Variants in CAPN14 observed in about 807,000 individuals in gnomAD.
CAPN14 encodes calpain 14, also known as calpain-14.
CAPN14 carries 94 observed loss-of-function variants against 101.3 expected under a neutral mutation model. That is an observed-to-expected ratio of 0.93 (90% confidence interval 0.79 to 1.10). CAPN14 has a LOEUF of 1.10. Among genes scored for constraint, CAPN14 ranks in the 50% least tolerant of loss-of-function variants. The pLI is 0.00. For synonymous variants in CAPN14, 338 were observed against 317.9 expected (o/e 1.06, Z -0.67); for missense variants, 837 against 828.4 (o/e 1.01, Z -0.13).
intron 18 of CAPN14, among the ~76,000 whole-genome samples, 194 bp downstream of exon 18, chr2:31,178,317 T>A (rs1680413100): frequency 6.6e-6 from 1 of 152,202 alleles, no homozygotes; most frequent in Admixed American, 6.5e-5. Context: ...TTTTGGAACT[T>A]CAGGAGACTA....
chr2:31,178,478 T>C, intron 18 of CAPN14, 33 bp downstream of exon 18: 5 of 1,519,642 alleles, frequency 3.3e-6, no homozygotes, highest in Non-Finnish European at 4.5e-6. Context: ...CTACACCATC[T>C]TCCAAAGAGG....
At chr2:31,200,021 A>G (rs1050141689) in intron 6 of CAPN14, among the ~76,000 whole-genome samples, 2 of 152,004 alleles carry the variant, frequency 1.3e-5, no homozygotes, top group African/African-American at 4.8e-5. Context: ...TTTGCTTTTT[A>G]AAACGGAATC....
chr2:31,203,051 C>T lies in CAPN14; in HGVS notation c.295+19G>A, dbSNP rs749829884. On this transcript the variant is annotated intron_variant, in intron 3 of 21. Transcript: ENST00000403897. Reference sequence around the variant, plus strand: ...AGCAGGCAGCCTAGTGTCTGTCTCTCGGGGCTGTGCAAACTTACCTACTAT... The same window carrying T: ...AGCAGGCAGCCTAGTGTCTGTCTCTTGGGGCTGTGCAAACTTACCTACTAT... The T allele has an allele frequency of 1.9e-5, 30 of 1,549,508 alleles. No individual in the cohort carries two copies. Among genetic ancestry groups the T allele is most frequent in the South Asian group, 1.1e-4 (9 of 83,978 alleles).
chr2:31,181,067 G>A, intron 16 of CAPN14, 67 bp from the exon 17 acceptor site: 2 of 1,359,888 alleles, frequency 1.5e-6, no homozygotes, highest in Non-Finnish European at 2.1e-6. Context: ...TTCTGAGCAG[G>A]AAGAGGCAGT....
intron 1 of CAPN14, among the ~76,000 whole-genome samples, chr2:31,209,464 C>T (rs978830701): frequency 1.3e-5 from 2 of 152,108 alleles, no homozygotes; most frequent in African/African-American, 2.4e-5. Flanking sequence ...GGCCTTTGAA[C>T]GCTAACTAGC....
At chr2:31,220,161 C>T (rs1682820148), upstream of CAPN14, among the ~76,000 whole-genome samples, 1 of 152,074 alleles carries the variant, frequency 6.6e-6, no homozygotes, top group African/African-American at 2.4e-5. Flanking sequence ...AAATGAATCC[C>T]TGATTGTTGG....
chr2:31,181,386 T>TCTCTTTC (rs1680589510), intron 16 of CAPN14, among the ~76,000 whole-genome samples: 1 of 131,202 alleles, frequency 7.6e-6, no homozygotes, highest in Non-Finnish European at 1.6e-5. Flanking sequence ...TCTTTTCTTT[T>TCTCTTTC]TTTCTTTCTT....
intron 13 of CAPN14, among the ~76,000 whole-genome samples, chr2:31,188,560 C>T (rs1681024746): frequency 6.6e-6 from 1 of 152,138 alleles, no homozygotes; most frequent in Admixed American, 6.5e-5. Flanking sequence ...ATTCCCTGCA[C>T]CCTCATCTAA....
At chr2:31,203,360 T>G (rs938950219) in intron 2 of CAPN14, among the ~76,000 whole-genome samples, 1 of 151,042 alleles carries the variant, frequency 6.6e-6, no homozygotes, top group East Asian at 1.9e-4. Context: ...CCTGGAGAAC[T>G]CTGTGTAGAT....
At chr2:31,195,262 A>G (rs1455114388) in intron 8 of CAPN14, among the ~76,000 whole-genome samples, 1 of 152,236 alleles carries the variant, frequency 6.6e-6, no homozygotes, top group East Asian at 1.9e-4. Flanking sequence ...AAACTCCCTA[A>G]GACTGGACCG....
chr2:31,190,311 C>A (rs1219356406), intron 12 of CAPN14, among the ~76,000 whole-genome samples: 2 of 152,136 alleles, frequency 1.3e-5, no homozygotes, highest in Admixed American at 6.5e-5. Context: ...AAGACATCAC[C>A]CATCCAAATA....
In CAPN14 at chr2:31,192,109, ACACAG is replaced by A. The variant is rs763670774; in HGVS notation, c.1115-16_1115-12del. ...TCTTCCAAAATGTGTCTGGAGCAGAACACAGCAAGGTGAGAATGGGCCCCGGATCC... is the reference window on the plus strand; with the variant it reads ...TCTTCCAAAATGTGTCTGGAGCAGAACAAGGTGAGAATGGGCCCCGGATCC... On this transcript the variant is annotated splice_polypyrimidine_tract_variant and intron_variant, in intron 10 of 21. Coordinates refer to ENST00000403897, the MANE Select transcript of CAPN14 (RefSeq NM_001145122.2). 6.5e-7 allele frequency: 1 copy of A among 1,538,034 alleles called. No homozygotes were observed. Among genetic ancestry groups the A allele is most frequent in the South Asian group, 1.2e-5 (1 of 82,546 alleles).
chr2:31,183,826 C>T (rs997545600), intron 16 of CAPN14, among the ~76,000 whole-genome samples: 2 of 151,122 alleles, frequency 1.3e-5, no homozygotes, highest in African/African-American at 4.9e-5. Flanking sequence ...CTCTCTCCCT[C>T]CCTCTCTCCT....
chr2:31,221,896 AG>A (rs1472814934), upstream of CAPN14, among the ~76,000 whole-genome samples: 1 of 152,214 alleles, frequency 6.6e-6, no homozygotes, highest in Non-Finnish European at 1.5e-5. Context: ...TGAGGGCTCT[AG>A]CACAGTTGCC....
At position 31,193,152 on chromosome 2, in the gene CAPN14, C is replaced by T; in HGVS notation, c.1093G>A (p.Gly365Ser). 6.4e-7 allele frequency: 1 copy of T among 1,550,846 alleles called. No individual in the cohort carries two copies. Among genetic ancestry groups the T allele is most frequent in the South Asian group, 1.2e-5 (1 of 84,052 alleles). Residue 365 changes from glycine (G) to serine (S), a missense_variant, in exon 10 of 22, where the codon GGC becomes AGC. By Grantham distance (56) the Gly-to-Ser change is moderately conservative. Coordinates refer to ENST00000403897, the MANE Select transcript of CAPN14 (RefSeq NM_001145122.2). ...TCACCCTGCAGCAACTGCCTCTGGCCACCAGCTGTGCTCCGCTTCTCCCAT... is the reference window on the plus strand; with the variant it reads ...TCACCCTGCAGCAACTGCCTCTGGCTACCAGCTGTGCTCCGCTTCTCCCAT... ...GRWEKRSTAG[G>S]QRQLLQDTFW... is the part of the protein sequence containing the mutation.
intron 2 of CAPN14, among the ~76,000 whole-genome samples, chr2:31,204,073 T>C (rs1435658874): frequency 1.3e-5 from 2 of 152,208 alleles, no homozygotes; most frequent in South Asian, 2.1e-4. Context: ...CTCTGGCAGA[T>C]GGTATTGGCT....
chr2:31,225,506 AAG>A (rs1220562466), intron 2 of CAPN14, among the ~76,000 whole-genome samples: 1 of 152,074 alleles, frequency 6.6e-6, no homozygotes, highest in African/African-American at 2.4e-5. Flanking sequence ...AATATATACA[AAG>A]AAAATAAAAC....
intron 16 of CAPN14, among the ~76,000 whole-genome samples, chr2:31,184,647 C>T (rs761625071): frequency 3.3e-5 from 5 of 152,148 alleles, no homozygotes; most frequent in African/African-American, 4.8e-5. Flanking sequence ...GGATACTTTG[C>T]GTCTATTGAT....
upstream of CAPN14, among the ~76,000 whole-genome samples, chr2:31,219,122 T>G (rs772597387): frequency 1.3e-5 from 2 of 152,086 alleles, no homozygotes; most frequent in Non-Finnish European, 2.9e-5. Flanking sequence ...GGCACAGGGT[T>G]AGGCTCACTC....
Sources: gnomAD v4.1 joint callset for allele counts (sites outside exome capture counted in the v4.1 genomes callset) on GRCh38, gnomAD v4.1.1 for gene constraint, MANE v1.5 for transcripts, NCBI Gene and HGNC (gene_info 2026-07-23, HGNC 2026-07-21) for gene names.